The following SDK1 variants were observed in gnomAD, a reference collection of about 807,000 sequenced individuals.
SDK1 encodes the protein protein sidekick-1.
A neutral mutation model predicts 245.5 loss-of-function variants in SDK1; 157 were observed. The ratio of observed to expected loss-of-function variants is 0.64; its 90% CI spans 0.56 to 0.73. The LOEUF (loss-of-function observed/expected upper bound fraction) is 0.73, where lower values mean the gene tolerates loss of function less well. SDK1 is among the 30% of genes least tolerant of loss of function. SDK1 has a pLI of 0.00. For synonymous variants in SDK1, 1,647 were observed against 1,278.5 expected (o/e 1.29, Z -6.15); for missense variants, 3,583 against 3,002.3 (o/e 1.19, Z -4.52).
intron 1 of SDK1, among the ~76,000 whole-genome samples, chr7:3,366,942 A>G (rs1781108795): frequency 6.6e-6 from 1 of 151,866 alleles, no homozygotes; most frequent in Non-Finnish European, 1.5e-5. Context: ...GGGTTTTACC[A>G]TGTTGGCCAG....
chr7:3,815,747 A>G (rs1487157508), intron 4 of SDK1, among the ~76,000 whole-genome samples: 1 of 151,686 alleles, frequency 6.6e-6, no homozygotes, highest in Non-Finnish European at 1.5e-5. Context: ...AAGCGGACCT[A>G]ATAGACATCT....
intron 1 of SDK1, among the ~76,000 whole-genome samples, chr7:3,536,990 TAA>T (rs1246112193): frequency 1.3e-5 from 2 of 152,214 alleles, no homozygotes; most frequent in East Asian, 3.8e-4. Flanking sequence ...TCTATTTTTT[TAA>T]TTGAAGTATA....
At chr7:4,009,331 C>G (rs1413337277) in intron 14 of SDK1, among the ~76,000 whole-genome samples, 3 of 152,220 alleles carry the variant, frequency 2.0e-5, no homozygotes, top group African/African-American at 4.8e-5. Flanking sequence ...TCTGGTTGCC[C>G]TGATACTGGG....
intron 22 of SDK1, among the ~76,000 whole-genome samples, chr7:4,107,264 G>A (rs755927221): frequency 1.3e-5 from 2 of 151,856 alleles, no homozygotes; most frequent in African/African-American, 2.4e-5. Flanking sequence ...AGTTGAACCC[G>A]CCAGGCGTCT....
chr7:3,383,609 G>C (rs2128567712), intron 1 of SDK1, among the ~76,000 whole-genome samples: 1 of 152,280 alleles, frequency 6.6e-6, no homozygotes, highest in South Asian at 2.1e-4. Context: ...GGATGGTCTT[G>C]ATATTTTCGT....
chr7:3,702,212 A>T (rs370417885), intron 4 of SDK1, among the ~76,000 whole-genome samples: 2 of 152,204 alleles, frequency 1.3e-5, no homozygotes, highest in Non-Finnish European at 1.5e-5. Flanking sequence ...GTAATAAACT[A>T]TTTCTAAGCT....
At chr7:4,194,288 A>G (rs954328141) in intron 35 of SDK1, among the ~76,000 whole-genome samples, 5 of 102,982 alleles carry the variant, frequency 4.9e-5, no homozygotes, top group African/African-American at 1.1e-4. Flanking sequence ...AGATATATGT[A>G]TGCACGTATG....
intron 2 of SDK1, among the ~76,000 whole-genome samples, chr7:3,628,629 T>C (rs1040722769): frequency 1.3e-5 from 2 of 152,196 alleles, no homozygotes; most frequent in East Asian, 1.9e-4. Context: ...CTAGAACTAT[T>C]GTCTAATTCT....
chr7:3,383,137 T>G (rs1392112055), intron 1 of SDK1, among the ~76,000 whole-genome samples: 1 of 152,112 alleles, frequency 6.6e-6, no homozygotes, highest in Admixed American at 6.5e-5. Context: ...GAAAGCTGAG[T>G]GCAGTGGCTC....
chr7:4,005,388 AT>A (rs1785393791), intron 14 of SDK1, among the ~76,000 whole-genome samples: 2 of 81,646 alleles, frequency 2.4e-5, no homozygotes, highest in Admixed American at 1.3e-4. Flanking sequence ...TTCTTTTCTT[AT>A]GTGAGTGTGT....
chr7:3,973,930 C>T lies in SDK1; in HGVS notation c.1818-439C>T, dbSNP rs545561659. 8.9e-4 allele frequency among the ~76,000 whole-genome samples: 135 copies of T among 151,844 alleles called. 1 individual carries two copies. Among genetic ancestry groups the T allele is most frequent in the African/African-American group, 3.0e-3 (126 of 41,412 alleles). On this transcript the variant is annotated intron_variant, in intron 12 of 44. Coordinates refer to ENST00000404826, the MANE Select transcript of SDK1 (RefSeq NM_152744.4). ...AGTGCGGTGACTCAGGCCTGTAATC[C>T]CAGCAGTTTGGGAGGCCGAGACGGG... is the stretch of plus-strand genomic sequence containing the variant.
At chr7:3,675,435 A>C (rs1407852874) in intron 4 of SDK1, among the ~76,000 whole-genome samples, 2 of 152,210 alleles carry the variant, frequency 1.3e-5, no homozygotes, top group Non-Finnish European at 2.9e-5. Flanking sequence ...AGATCATGTC[A>C]GTCTTCAAAA....
chr7:3,785,354 A>C (rs114441381), intron 4 of SDK1, among the ~76,000 whole-genome samples: 1 of 152,202 alleles, frequency 6.6e-6, no homozygotes, highest in African/African-American at 2.4e-5. Context: ...AGTTCTCACC[A>C]TAAGAATCAT....
At chr7:3,982,962 C>T (rs566535585) in intron 13 of SDK1, among the ~76,000 whole-genome samples, 1 of 152,098 alleles carries the variant, frequency 6.6e-6, no homozygotes, top group East Asian at 1.9e-4. Flanking sequence ...AAGGCATCCA[C>T]GGAGGAAGTT....
At chr7:4,051,950 G>A in intron 19 of SDK1, 120 bp downstream of exon 19, 1 of 849,064 alleles carries the variant, frequency 1.2e-6, no homozygotes. Flanking sequence ...TTTTTGGAGT[G>A]CTTGCAGTCA....
chr7:4,029,046 G>A (rs969069010), intron 17 of SDK1, among the ~76,000 whole-genome samples: 9 of 141,888 alleles, frequency 6.3e-5, no homozygotes, highest in African/African-American at 2.4e-4. Context: ...TACCAACCCC[G>A]TTTGCTTTTC....
chr7:4,174,807 C>A (rs1218346920), intron 33 of SDK1, among the ~76,000 whole-genome samples: 1 of 152,092 alleles, frequency 6.6e-6, no homozygotes, highest in Non-Finnish European at 1.5e-5. Flanking sequence ...TGCACTGCGC[C>A]ATGATCGTTG....
chr7:4,160,534 C>G (rs1183267224), intron 31 of SDK1, among the ~76,000 whole-genome samples: 1 of 152,330 alleles, frequency 6.6e-6, no homozygotes, highest in East Asian at 1.9e-4. Context: ...TTGTCTTACA[C>G]TATCTAGAGA....
At chr7:3,719,641 A>G (rs939816128) in intron 4 of SDK1, among the ~76,000 whole-genome samples, 6 of 152,224 alleles carry the variant, frequency 3.9e-5, no homozygotes, top group African/African-American at 1.4e-4. Flanking sequence ...ATTAAAAAGA[A>G]AACTCAAAAA....
Sources: allele counts gnomAD v4.1 joint callset (sites outside exome capture counted in the v4.1 genomes callset), GRCh38; gene constraint gnomAD v4.1.1; transcripts MANE v1.5; gene names NCBI Gene and HGNC (gene_info 2026-07-23, HGNC 2026-07-21).